MAP2: variants seen among roughly 807,000 people sequenced by gnomAD.
MAP2 encodes the protein microtubule associated protein 2.
A neutral mutation model predicts 137.6 loss-of-function variants in MAP2; 14 were observed. The ratio of observed to expected loss-of-function variants is 0.10; its 90% CI spans 0.07 to 0.16. MAP2 has a LOEUF of 0.16. MAP2 is among the 10% of genes least tolerant of loss of function. The pLI is 1.00. For synonymous variants in MAP2, 786 were observed against 782.3 expected (o/e 1.00, Z -0.08); for missense variants, 2,088 against 2,191.5 (o/e 0.95, Z 0.94).
chr2:209,653,070 C>G lies in MAP2; in HGVS notation c.-29-72C>G. 10 of 1,237,616 alleles carry G rather than the reference C, an allele frequency of 8.1e-6. No homozygotes were observed. In the South Asian group the frequency reaches 1.8e-4, roughly 22 times the overall value. The allele number at this position is 1,237,616 out of a possible 1,614,324, so 76.7% of individuals were successfully genotyped here. A position where few individuals can be genotyped will look rare whatever the true frequency, so the allele number is the denominator to read the frequency against. Reference sequence around the variant, plus strand: ...GCCACACGGTTTGCTACAAATTTTTCCTATCTTGGTACAACCAATATCAGA... The same window carrying G: ...GCCACACGGTTTGCTACAAATTTTTGCTATCTTGGTACAACCAATATCAGA... On this transcript the variant is annotated intron_variant, in intron 4 of 15. Transcript: ENST00000682079.
intron 1 of MAP2, among the ~76,000 whole-genome samples, chr2:209,449,564 A>G (rs970089199): frequency 6.7e-6 from 1 of 148,768 alleles, no homozygotes; most frequent in Non-Finnish European, 1.5e-5. Context: ...TTATATATAT[A>G]TAAAATATAG....
chr2:209,443,427 T>C (rs1056614019), intron 1 of MAP2, among the ~76,000 whole-genome samples: 1 of 151,704 alleles, frequency 6.6e-6, no homozygotes, highest in African/African-American at 2.4e-5. Flanking sequence ...CACCGTTCTG[T>C]TTAGCTTTTG....
chr2:209,593,634 A>AAAAAAAAAT lies in MAP2; in HGVS notation c.-107+13535_-107+13536insAAAAAAATA, dbSNP rs1286103137. 2.1e-3 allele frequency among the ~76,000 whole-genome samples: 69 copies of AAAAAAAAAT among 33,638 alleles called. 1 individual carries two copies. Among genetic ancestry groups the AAAAAAAAAT allele is most frequent in the East Asian group, 7.2e-3 (5 of 690 alleles). 22.1% of individuals were successfully genotyped at this position (33,638 alleles called of 152,430 possible). A position where few individuals can be genotyped will look rare whatever the true frequency, so the allele number is the denominator to read the frequency against. ...CCTGTCTCTACAAAAAAAAAAAAAAAATATATATATATATATATATATATA... is the reference window on the plus strand; with the variant it reads ...CCTGTCTCTACAAAAAAAAAAAAAAAAAAAAAAATATATATATATATATATATATATATA... On this transcript the variant is annotated intron_variant, in intron 3 of 15. Transcript: ENST00000682079.
chr2:209,444,838 G>C (rs949476521), intron 1 of MAP2, among the ~76,000 whole-genome samples: 1 of 151,326 alleles, frequency 6.6e-6, no homozygotes, highest in Non-Finnish European at 1.5e-5. Context: ...TTTAAAAATA[G>C]TATATTTTTA....
At chr2:209,710,425 C>G (rs564398696) in intron 13 of MAP2, 171 bp downstream of exon 13, 30 of 618,330 alleles carry the variant, frequency 4.9e-5, no homozygotes, top group Non-Finnish European at 6.9e-5. Context: ...TGAAATACAA[C>G]GAAAATCACA....
At chr2:209,457,253 G>C (rs1701749524) in intron 1 of MAP2, among the ~76,000 whole-genome samples, 1 of 152,168 alleles carries the variant, frequency 6.6e-6, no homozygotes, top group Non-Finnish European at 1.5e-5. Flanking sequence ...CTTTTGCATA[G>C]ATATTGGCTC....
At chr2:209,706,626 T>A (rs58295121) in intron 12 of MAP2, among the ~76,000 whole-genome samples, 15,549 of 152,016 alleles carry the variant, frequency 0.1, 931 homozygotes, top group East Asian at 0.22. Context: ...CCTGAAGTCT[T>A]AATGTCTTTT....
chr2:209,464,360 A>G (rs1230534099), intron 1 of MAP2, among the ~76,000 whole-genome samples: 2 of 152,118 alleles, frequency 1.3e-5, no homozygotes, highest in Non-Finnish European at 2.9e-5. Flanking sequence ...AGTTTGGTAA[A>G]AATCTCTACA....
At chr2:209,575,388 G>A (rs2075170872) in intron 2 of MAP2, among the ~76,000 whole-genome samples, 1 of 151,598 alleles carries the variant, frequency 6.6e-6, no homozygotes, top group South Asian at 2.1e-4. Context: ...GGGCGTGATG[G>A]CGGGTGCCTG....
intron 1 of MAP2, among the ~76,000 whole-genome samples, chr2:209,485,589 G>A (rs907103604): frequency 2.0e-5 from 3 of 152,136 alleles, no homozygotes; most frequent in East Asian, 1.9e-4. Flanking sequence ...CAGGTGTCAC[G>A]CTGATGAATC....
intron 2 of MAP2, among the ~76,000 whole-genome samples, chr2:209,512,572 C>T (rs1012578900): frequency 8.6e-6 from 1 of 116,830 alleles, no homozygotes; most frequent in African/African-American, 2.7e-5. Flanking sequence ...CACACACACA[C>T]ACACACACAC....
intron 1 of MAP2, among the ~76,000 whole-genome samples, chr2:209,471,378 G>A (rs1257841119): frequency 1.3e-5 from 2 of 152,030 alleles, no homozygotes; most frequent in Non-Finnish European, 2.9e-5. Context: ...ATGGGAACTG[G>A]GTCTGGTTTT....
rs115773890 is a variant in MAP2, at chr2:209,494,125, C to T, written c.-221-13467C>T. Among the ~76,000 whole-genome samples, 851 of 152,046 alleles carry T rather than the reference C, an allele frequency of 5.6e-3. 4 individuals carry two copies. The highest frequency in any genetic ancestry group is 9.7e-3 in the Non-Finnish European group (663 of 68,014). ...GCTATAAAAAAGAACGAGTTCATGT[C>T]CTTTGCAGGGTCATGGATAAAGCTG... is the stretch of plus-strand genomic sequence containing the variant. On this transcript the variant is annotated intron_variant, in intron 1 of 15. Transcript: ENST00000682079.
chr2:209,704,516 T>A (rs779684962), intron 11 of MAP2: 1 of 1,612,898 alleles, frequency 6.2e-7, no homozygotes, highest in Non-Finnish European at 8.5e-7. Flanking sequence ...CAGCTCAGCC[T>A]GCCCTAGCAC....
intron 3 of MAP2, among the ~76,000 whole-genome samples, chr2:209,615,285 CTATTA>C (rs2088805274): frequency 6.6e-6 from 1 of 152,150 alleles, no homozygotes; most frequent in Non-Finnish European, 1.5e-5. Flanking sequence ...GAACTCAAGG[CTATTA>C]GTGAGTGAAA....
intron 1 of MAP2, among the ~76,000 whole-genome samples, chr2:209,486,497 C>T (rs929410238): frequency 1.3e-5 from 2 of 152,112 alleles, no homozygotes; most frequent in African/African-American, 4.8e-5. Context: ...GCTGGGATTA[C>T]GGGCATGAGC....
chr2:209,725,747 G>A lies in MAP2; in HGVS notation c.5112G>A (p.Val1704=), dbSNP rs770619493. The stretch of plus-strand genomic sequence containing the variant: ...CCAAGAAAATAGACCTAAGCCATGT[G>A]ACATCCAAATGTGGCTCTCTGAAGA... ...IVTKKIDLSH[V]TSKCGSLKNI... is the part of the protein sequence containing the mutation. Residue 1704 remains valine (V), a synonymous_variant, in exon 14 of 16, where the codon GTG becomes GTA. Coordinates refer to ENST00000682079, the MANE Select transcript of MAP2 (RefSeq NM_001375505.1). 1.9e-6 allele frequency: 3 copies of A among 1,605,864 alleles called. No individual in the cohort carries two copies. The Admixed American group carries it at 5.2e-5, about 28-fold the overall frequency.
rs1331264274 is a variant in MAP2, at chr2:209,695,679, C to T, written c.3509C>T (p.Ser1170Leu). Reference protein sequence around the residue: ...LIQDEIAVKLSVEIPCPPAVS... With the variant: ...LIQDEIAVKLLVEIPCPPAVS... ...CAAGATGAGATTGCCGTCAAATTGTCAGTGGAAATACCTTGCCCACCTGCT... is the reference window on the plus strand; with the variant it reads ...CAAGATGAGATTGCCGTCAAATTGTTAGTGGAAATACCTTGCCCACCTGCT... Residue 1170 changes from serine to leucine, a missense_variant, in exon 8 of 16, where the codon TCA (serine) becomes TTA (leucine). Ser to Leu is a moderately radical substitution (Grantham distance 145). Transcript: ENST00000682079. The T allele has an allele frequency of 6.2e-7, 1 of 1,614,098 alleles. No homozygotes were observed. The highest frequency in any genetic ancestry group is 1.1e-5 in the South Asian group (1 of 91,064).
chr2:209,636,945 C>T (rs1222430435), intron 4 of MAP2, among the ~76,000 whole-genome samples: 1 of 152,116 alleles, frequency 6.6e-6, no homozygotes, highest in Non-Finnish European at 1.5e-5. Context: ...ATCTACCATG[C>T]TTAAGAGCCT....
Sources: gnomAD v4.1 joint callset for allele counts (sites outside exome capture counted in the v4.1 genomes callset) on GRCh38, gnomAD v4.1.1 for gene constraint, MANE v1.5 for transcripts, NCBI Gene and HGNC (gene_info 2026-07-23, HGNC 2026-07-21) for gene names.